Variants in GRID2 observed in about 807,000 individuals in gnomAD.
GRID2 encodes glutamate receptor ionotropic, delta-2.
In GRID2, 33 loss-of-function variants were observed where a neutral mutation model predicts 114.8. The ratio of observed to expected loss-of-function variants is 0.29; its 90% CI spans 0.22 to 0.38. The LOEUF (loss-of-function observed/expected upper bound fraction) is 0.38. GRID2 is among the 10% of genes least tolerant of loss of function. The pLI is 1.00. For missense variants in GRID2, 1,184 were observed against 1,257.7 expected, an observed-to-expected ratio of 0.94 and a Z score of 0.89; for synonymous variants, 505 against 449.9, an observed-to-expected ratio of 1.12 and a Z score of -1.55.
chr4:92,802,070 T>A (rs1175838210), intron 2 of GRID2, among the ~76,000 whole-genome samples: 3 of 151,942 alleles, frequency 2.0e-5, no homozygotes, highest in African/African-American at 7.2e-5. Flanking sequence ...TATGCCAATG[T>A]TTTCATTATA....
intron 1 of GRID2, among the ~76,000 whole-genome samples, chr4:92,438,017 T>C (rs542389188): frequency 1.3e-5 from 2 of 152,238 alleles, no homozygotes; most frequent in Non-Finnish European, 2.9e-5. Context: ...CATTGGACTT[T>C]AGCTGGGCTT....
At chr4:92,345,077 A>G (rs759882724) in intron 1 of GRID2, among the ~76,000 whole-genome samples, 1 of 152,152 alleles carries the variant, frequency 6.6e-6, no homozygotes, top group Non-Finnish European at 1.5e-5. Context: ...CCATTATATT[A>G]TTCTTATACA....
chr4:93,013,537 C>A (rs1464482203), intron 2 of GRID2, among the ~76,000 whole-genome samples: 1 of 151,896 alleles, frequency 6.6e-6, no homozygotes, highest in Non-Finnish European at 1.5e-5. Flanking sequence ...TACCCACACA[C>A]ACATACATAT....
intron 2 of GRID2, among the ~76,000 whole-genome samples, chr4:92,755,182 C>A (rs982178543): frequency 1.3e-5 from 2 of 152,174 alleles, no homozygotes; most frequent in African/African-American, 4.8e-5. Context: ...TTTGACTGAA[C>A]TCCAGTAGAC....
chr4:93,181,168 C>A (rs1739858993), intron 4 of GRID2, among the ~76,000 whole-genome samples: 1 of 152,060 alleles, frequency 6.6e-6, no homozygotes, highest in African/African-American at 2.4e-5. Flanking sequence ...GTTGTATTAG[C>A]GGGCATGAAA....
Position 92,767,916 on chromosome 4 carries a change from C to CA in GRID2, c.244+177646dup, listed in dbSNP as rs750712850. On this transcript the variant is annotated intron_variant, in intron 2 of 15. Transcript: ENST00000282020. ...TCACCAACATAGTGAGCCATCATCTCAAAAAAAAAAAAAAAATTTAATAGT... is the reference window on the plus strand; with the variant it reads ...TCACCAACATAGTGAGCCATCATCTCAAAAAAAAAAAAAAAAATTTAATAGT... 4.1e-3 allele frequency among the ~76,000 whole-genome samples: 459 copies of CA among 112,572 alleles called. 2 individuals are homozygous for CA. Among genetic ancestry groups the CA allele is most frequent in the East Asian group, 0.025 (98 of 3,974 alleles). 73.9% of individuals were successfully genotyped at this position (112,572 alleles called of 152,430 possible).
chr4:93,055,066 T>C (rs1348002197), intron 2 of GRID2, among the ~76,000 whole-genome samples: 1 of 151,950 alleles, frequency 6.6e-6, no homozygotes, highest in African/African-American at 2.4e-5. Flanking sequence ...AAAACAGATA[T>C]AACCTTCTTA....
chr4:92,449,289 T>C (rs542478442), intron 1 of GRID2, among the ~76,000 whole-genome samples: 1 of 152,216 alleles, frequency 6.6e-6, no homozygotes, highest in African/African-American at 2.4e-5. Flanking sequence ...TTCCATAACT[T>C]ACAGTGCTGC....
At chr4:93,468,206 C>A (rs1464479857) in intron 11 of GRID2, among the ~76,000 whole-genome samples, 1 of 152,024 alleles carries the variant, frequency 6.6e-6, no homozygotes, top group African/African-American at 2.4e-5. Context: ...TAGAACCAAG[C>A]ATTTTGGGTC....
chr4:92,331,460 A>G (rs1212802300), intron 1 of GRID2, among the ~76,000 whole-genome samples: 8 of 152,178 alleles, frequency 5.3e-5, no homozygotes, highest in Non-Finnish European at 1.0e-4. Context: ...TGCTCCCATG[A>G]GGAATGGCGC....
At chr4:92,316,274 A>C (rs938961484) in intron 1 of GRID2, among the ~76,000 whole-genome samples, 1 of 152,146 alleles carries the variant, frequency 6.6e-6, no homozygotes, top group African/African-American at 2.4e-5. Context: ...AGCATGGCCT[A>C]TATAAGAACC....
At chr4:92,728,596 A>G (rs1211390016) in intron 2 of GRID2, among the ~76,000 whole-genome samples, 32 of 152,088 alleles carry the variant, frequency 2.1e-4, no homozygotes, top group African/African-American at 7.0e-4. Context: ...GTCTTTCAGT[A>G]AACTACTCTT....
At chr4:92,754,139 C>T (rs573383089) in intron 2 of GRID2, among the ~76,000 whole-genome samples, 10 of 152,090 alleles carry the variant, frequency 6.6e-5, no homozygotes, top group Non-Finnish European at 1.3e-4. Context: ...TAATTACTTG[C>T]CTTAGGAAGG....
chr4:92,599,889 G>T (rs1729121678), intron 2 of GRID2, among the ~76,000 whole-genome samples: 1 of 151,264 alleles, frequency 6.6e-6, no homozygotes, highest in Non-Finnish European at 1.5e-5. Flanking sequence ...GCTGGGCCTG[G>T]TGCCATACAC....
At chr4:92,588,999 G>T (rs954415963) in intron 1 of GRID2, among the ~76,000 whole-genome samples, 4 of 151,912 alleles carry the variant, frequency 2.6e-5, no homozygotes, top group African/African-American at 7.3e-5. Flanking sequence ...CCAGCTACTC[G>T]GGAGGCTGAG....
intron 1 of GRID2, among the ~76,000 whole-genome samples, chr4:92,482,939 CTAATAA>C (rs1177713354): frequency 6.6e-6 from 1 of 152,068 alleles, no homozygotes; most frequent in African/African-American, 2.4e-5. Context: ...ACTATAAATA[CTAATAA>C]TATGTTGCAA....
intron 1 of GRID2, among the ~76,000 whole-genome samples, chr4:92,468,707 G>C (rs1721875740): frequency 6.6e-6 from 1 of 152,016 alleles, no homozygotes; most frequent in African/African-American, 2.4e-5. Flanking sequence ...GAAGTTTTAT[G>C]CAAGGCTCCA....
At chr4:92,640,918 A>C (rs556537168) in intron 2 of GRID2, among the ~76,000 whole-genome samples, 37 of 151,966 alleles carry the variant, frequency 2.4e-4, no homozygotes, top group Middle Eastern at 3.4e-3. Context: ...AATACTCTTA[A>C]ATTAGAATGT....
At chr4:92,807,561 C>A (rs982618051) in intron 2 of GRID2, among the ~76,000 whole-genome samples, 1 of 151,774 alleles carries the variant, frequency 6.6e-6, no homozygotes, top group Non-Finnish European at 1.5e-5. Flanking sequence ...ATAATAAAAT[C>A]TATAATATTA....
Sources: allele counts gnomAD v4.1 joint callset (sites outside exome capture counted in the v4.1 genomes callset), GRCh38; gene constraint gnomAD v4.1.1; transcripts MANE v1.5; gene names NCBI Gene and HGNC (gene_info 2026-07-23, HGNC 2026-07-21).